Variants in IMMP2L observed in about 807,000 individuals in gnomAD.
The protein encoded by IMMP2L is mitochondrial inner membrane protease subunit 2.
In IMMP2L, 18 loss-of-function variants were observed where a neutral mutation model predicts 19.3. The observed-to-expected ratio is 0.93, with a 90% CI of 0.64 to 1.38. IMMP2L has a LOEUF of 1.38. Among genes scored for constraint, IMMP2L ranks in the 40% most tolerant of loss-of-function variants. The pLI is 0.00. For missense variants in IMMP2L, 233 were observed against 218.2 expected (o/e 1.07, Z -0.43); for synonymous variants, 76 against 73.0 (o/e 1.04, Z -0.21).
chr7:110,736,836 A>G (rs1796666015), intron 5 of IMMP2L, among the ~76,000 whole-genome samples: 1 of 152,204 alleles, frequency 6.6e-6, no homozygotes, highest in African/African-American at 2.4e-5. Flanking sequence ...AGTCTCATCC[A>G]TATCTGATTT....
intron 3 of IMMP2L, among the ~76,000 whole-genome samples, chr7:111,057,749 G>A (rs1477953259): frequency 2.6e-5 from 4 of 152,108 alleles, no homozygotes; most frequent in African/African-American, 9.7e-5. Flanking sequence ...GTATTATGTG[G>A]TGCTTTCAAG....
intron 5 of IMMP2L, among the ~76,000 whole-genome samples, chr7:110,744,578 A>G (rs1156931051): frequency 1.3e-5 from 2 of 152,358 alleles, no homozygotes; most frequent in African/African-American, 4.8e-5. Context: ...GCTGCTCTGC[A>G]GCCTCCGCTG....
intron 5 of IMMP2L, among the ~76,000 whole-genome samples, chr7:110,829,209 A>G (rs1384093504): frequency 6.6e-6 from 1 of 152,152 alleles, no homozygotes; most frequent in African/African-American, 2.4e-5. Flanking sequence ...GGGAGGTGCT[A>G]AAGCTAAACT....
At chr7:111,209,396 CAAAAAAAAAAAA>C (rs368679362) in intron 3 of IMMP2L, among the ~76,000 whole-genome samples, 1 of 88,590 alleles carries the variant, frequency 1.1e-5, no homozygotes, top group Non-Finnish European at 2.1e-5. Flanking sequence ...GACTCCTTCT[CAAAAAAAAAAAA>C]AAAAAAAAGT....
At chr7:111,171,036 G>C (rs968977647) in intron 3 of IMMP2L, among the ~76,000 whole-genome samples, 9 of 151,740 alleles carry the variant, frequency 5.9e-5, no homozygotes, top group Non-Finnish European at 1.5e-5. Flanking sequence ...AGAAAACTCT[G>C]ATTGTGTGTT....
rs528701099 is a variant in IMMP2L, at chr7:111,314,030, G to A, written c.239+173208C>T. Among the ~76,000 whole-genome samples, 7 of 152,168 alleles carry A rather than the reference G, an allele frequency of 4.6e-5. No homozygotes were observed. In the South Asian group the frequency reaches 8.3e-4, roughly 18 times the overall value. Reference sequence around the variant, plus strand: ...TTTGCTGTGTGAAGTGCCTGTTCCCGCTTTGCCTTCCACCATGAGTAAAAG... The same window carrying A: ...TTTGCTGTGTGAAGTGCCTGTTCCCACTTTGCCTTCCACCATGAGTAAAAG... On this transcript the variant is annotated intron_variant, in intron 3 of 5. Coordinates refer to ENST00000405709, the MANE Select transcript of IMMP2L (RefSeq NM_032549.4).
chr7:111,017,288 T>G (rs1427795737), intron 3 of IMMP2L, among the ~76,000 whole-genome samples: 2 of 151,806 alleles, frequency 1.3e-5, no homozygotes, highest in Admixed American at 6.6e-5. Context: ...GTTCTCACAC[T>G]CCTAGGCTCA....
chr7:111,100,101 T>C (rs927077477), intron 3 of IMMP2L: 6 of 151,642 alleles, frequency 4.0e-5, no homozygotes, highest in Non-Finnish European at 7.4e-5. Context: ...CTGAAGCCCA[T>C]GTTATGGTGT....
intron 3 of IMMP2L, among the ~76,000 whole-genome samples, chr7:111,116,059 C>A (rs74958820): frequency 0.046 from 6,968 of 152,242 alleles, 195 homozygotes; most frequent in South Asian, 0.081. Context: ...ATAAAACATC[C>A]AAGATTCTCT....
intron 3 of IMMP2L, among the ~76,000 whole-genome samples, chr7:111,195,869 ATCATT>A (rs1470484366): frequency 5.3e-5 from 1 of 18,696 alleles, no homozygotes; most frequent in Admixed American, 5.1e-4. Context: ...TTTTTGCTCT[ATCATT>A]TCATTTCATT....
chr7:111,213,253 C>T lies in IMMP2L; in HGVS notation c.240-249688G>A, dbSNP rs1417857069. Among the ~76,000 whole-genome samples the T allele has an allele frequency of 1.3e-5, 2 of 152,182 alleles. No homozygotes were observed. Among genetic ancestry groups the T allele is most frequent in the African/African-American group, 2.4e-5 (1 of 41,450 alleles). On this transcript the variant is annotated intron_variant, in intron 3 of 5. Transcript: ENST00000405709. This position sits in a 1 kb window ranked among gnomAD's most constrained non-coding sequence, Gnocchi z 4.8. ...CTGTCACAATCAGGCTGAGTGTGCA[C>T]ACAATAAGGGCAGCACTGACATACC...
At chr7:110,664,471 G>A (rs911713884) in intron 5 of IMMP2L, among the ~76,000 whole-genome samples, 12 of 152,240 alleles carry the variant, frequency 7.9e-5, no homozygotes, top group East Asian at 1.9e-4. Flanking sequence ...CAGCAGAGGA[G>A]AGCAGAGATT....
chr7:111,073,508 CTA>C (rs1025721249), intron 3 of IMMP2L, among the ~76,000 whole-genome samples: 2 of 152,050 alleles, frequency 1.3e-5, no homozygotes, highest in African/African-American at 4.8e-5. Context: ...AGATCTGAGA[CTA>C]TGTTCTCAGC....
intron 5 of IMMP2L, among the ~76,000 whole-genome samples, chr7:110,689,407 T>C (rs1793343588): frequency 6.6e-6 from 1 of 152,160 alleles, no homozygotes; most frequent in Non-Finnish European, 1.5e-5. Flanking sequence ...TAGATATTTT[T>C]AAACTCTTTA....
At chr7:111,473,327 A>G (rs1056552401) in intron 3 of IMMP2L, among the ~76,000 whole-genome samples, 1 of 152,084 alleles carries the variant, frequency 6.6e-6, no homozygotes, top group African/African-American at 2.4e-5. Flanking sequence ...ATCTATTCCA[A>G]AGTTATTCCA....
At chr7:110,731,441 C>A (rs1479240171) in intron 5 of IMMP2L, among the ~76,000 whole-genome samples, 2 of 152,038 alleles carry the variant, frequency 1.3e-5, no homozygotes, top group African/African-American at 4.8e-5. Context: ...TGTTATTATT[C>A]CCCCCATCAT....
chr7:111,451,735 G>C (rs1448144000), intron 3 of IMMP2L, among the ~76,000 whole-genome samples: 1 of 149,216 alleles, frequency 6.7e-6, no homozygotes, highest in Non-Finnish European at 1.5e-5. Flanking sequence ...AAAAGAACAG[G>C]GAAGAACAAG....
chr7:111,134,566 C>T (rs1225533391), intron 3 of IMMP2L, among the ~76,000 whole-genome samples: 2 of 151,930 alleles, frequency 1.3e-5, no homozygotes, highest in Non-Finnish European at 2.9e-5. Flanking sequence ...ATAGTATTAA[C>T]TTATCTCTTC....
intron 3 of IMMP2L, among the ~76,000 whole-genome samples, chr7:111,120,891 A>G (rs1181206770): frequency 1.3e-5 from 2 of 152,090 alleles, no homozygotes; most frequent in Non-Finnish European, 2.9e-5. Context: ...TTGTAAGTGA[A>G]CAGTATTATT....
Sources: allele counts gnomAD v4.1 joint callset (sites outside exome capture counted in the v4.1 genomes callset), GRCh38; gene constraint gnomAD v4.1.1; non-coding constraint Gnocchi (gnomAD v3.1); transcripts MANE v1.5; gene names NCBI Gene and HGNC (gene_info 2026-07-23, HGNC 2026-07-21).